The following SMARCC1 variants were observed in gnomAD, a reference collection of about 807,000 sequenced individuals.
SMARCC1 encodes SWI/SNF related BAF chromatin remodeling complex subunit C1, also known as SWI/SNF complex subunit SMARCC1.
SMARCC1 carries 43 observed loss-of-function variants against 147.4 expected under a neutral mutation model. The observed-to-expected ratio is 0.29, with a 90% CI of 0.23 to 0.38. The LOEUF is 0.38. Among genes scored for constraint, SMARCC1 ranks in the 10% least tolerant of loss-of-function variants. The probability of loss-of-function intolerance (pLI) is 1.00; values close to 1 mark genes in which losing one functional copy is unlikely to be tolerated. For synonymous variants in SMARCC1, 495 were observed against 484.4 expected, an observed-to-expected ratio of 1.02 and a Z score of -0.29; for missense variants, 1,119 against 1,381.1, an observed-to-expected ratio of 0.81 and a Z score of 3.01.
At chr3:47,735,590 CAAAACCCCACCTCTACGA>C in intron 5 of SMARCC1, among the ~76,000 whole-genome samples, 1 of 152,006 alleles carries the variant, frequency 6.6e-6, no homozygotes, top group Non-Finnish European at 1.5e-5. Flanking sequence ...ACCAACATGG[CAAAACCCCACCTCTACGA>C]AAAATACAAT....
At chr3:47,651,765 G>C (rs926162755) in intron 21 of SMARCC1, among the ~76,000 whole-genome samples, 2 of 152,142 alleles carry the variant, frequency 1.3e-5, no homozygotes, top group Non-Finnish European at 2.9e-5. Context: ...TTACTTATTT[G>C]ATTAGATTGC....
chr3:47,597,150 CAAAAAA>C (rs34360182), intron 26 of SMARCC1, among the ~76,000 whole-genome samples: 1 of 70,504 alleles, frequency 1.4e-5, no homozygotes, highest in Admixed American at 1.7e-4. Flanking sequence ...GACTCAGTCT[CAAAAAA>C]AAAAAAAAAA....
intron 6 of SMARCC1, among the ~76,000 whole-genome samples, chr3:47,727,553 A>T (rs1461474263): frequency 6.6e-6 from 1 of 151,742 alleles, no homozygotes; most frequent in Non-Finnish European, 1.5e-5. Context: ...TTGTTTATCC[A>T]TTCACCTAAT....
intron 7 of SMARCC1, 89 bp from the exon 8 acceptor site, chr3:47,714,579 A>T: frequency 1.4e-6 from 1 of 698,766 alleles, no homozygotes; most frequent in Non-Finnish European, 2.5e-6. Flanking sequence ...CATGTTTTAG[A>T]AATACTACTA....
chr3:47,717,965 A>G, intron 7 of SMARCC1, among the ~76,000 whole-genome samples: 1 of 151,728 alleles, frequency 6.6e-6, no homozygotes, highest in Non-Finnish European at 1.5e-5. Flanking sequence ...ACCAGCCTGA[A>G]CAACATACAG....
intron 2 of SMARCC1, among the ~76,000 whole-genome samples, chr3:47,761,946 T>A (rs924941155): frequency 2.0e-5 from 3 of 151,774 alleles, no homozygotes; most frequent in African/African-American, 7.3e-5. Flanking sequence ...ATAGCTGGGA[T>A]TTTTTTTGTA....
intron 11 of SMARCC1, among the ~76,000 whole-genome samples, chr3:47,694,633 T>C (rs2033826977): frequency 2.0e-5 from 3 of 152,206 alleles, no homozygotes; most frequent in Admixed American, 2.0e-4. Context: ...ACAGCCAAAT[T>C]GCATTGAATG....
At chr3:47,639,687 C>G (rs894836720) in intron 21 of SMARCC1, among the ~76,000 whole-genome samples, 2 of 151,910 alleles carry the variant, frequency 1.3e-5, no homozygotes, top group Non-Finnish European at 1.5e-5. Context: ...GCACTCCGGC[C>G]TGGGAGACAG....
chr3:47,780,676 G>C (rs898601934), intron 1 of SMARCC1, among the ~76,000 whole-genome samples: 3 of 152,212 alleles, frequency 2.0e-5, no homozygotes, highest in Admixed American at 6.6e-5. Flanking sequence ...AGTGAACAAA[G>C]CCCTTGCTTC....
intron 3 of SMARCC1, among the ~76,000 whole-genome samples, chr3:47,738,648 C>T (rs901729292): frequency 9.2e-5 from 14 of 151,716 alleles, no homozygotes; most frequent in Non-Finnish European, 2.1e-4. Context: ...CACGCCACTG[C>T]ACTCTAGCCT....
chr3:47,697,299 T>A (rs2106782867), intron 11 of SMARCC1, among the ~76,000 whole-genome samples: 1 of 149,826 alleles, frequency 6.7e-6, no homozygotes, highest in East Asian at 2.0e-4. Flanking sequence ...CGAGAGATCC[T>A]GACTTTTTTT....
chr3:47,686,219 GAT>G, intron 13 of SMARCC1, 49 bp from the exon 14 acceptor site: 2 of 1,469,790 alleles, frequency 1.4e-6, no homozygotes, highest in Non-Finnish European at 9.4e-7. Flanking sequence ...TACAGAGAGA[GAT>G]ATATATAACA....
chr3:47,709,514 C>T lies in SMARCC1; in HGVS notation c.918+1169G>A, dbSNP rs1252103222. Among the ~76,000 whole-genome samples the T allele has an allele frequency of 2.6e-5, 4 of 151,308 alleles. 1 individual carries two copies. Among genetic ancestry groups the T allele is most frequent in the Admixed American group, 1.3e-4 (2 of 15,172 alleles). On this transcript the variant is annotated intron_variant, in intron 9 of 27. Coordinates refer to ENST00000254480, the MANE Select transcript of SMARCC1 (RefSeq NM_003074.4). ...CAGCCTGGCCAACATGGTGAAATCC[C>T]GTTTCTACTAAAAATACAAAAATTA...
intron 7 of SMARCC1, among the ~76,000 whole-genome samples, chr3:47,717,362 G>A (rs1490807828): frequency 1.3e-5 from 2 of 152,066 alleles, no homozygotes; most frequent in African/African-American, 2.4e-5. Context: ...AACGAAACAT[G>A]ACAAACCAAC....
intron 21 of SMARCC1, among the ~76,000 whole-genome samples, chr3:47,649,643 T>C (rs1231979021): frequency 6.6e-6 from 1 of 152,218 alleles, no homozygotes; most frequent in African/African-American, 2.4e-5. Flanking sequence ...GTCATCAACT[T>C]GTAAGGAAAA....
intron 3 of SMARCC1, 62 bp from the exon 4 acceptor site, chr3:47,738,172 G>A (rs1576427000): frequency 1.7e-6 from 2 of 1,143,158 alleles, no homozygotes; most frequent in East Asian, 2.5e-5. Context: ...TGAAAACTTG[G>A]TTTTAGAATT....
chr3:47,740,211 T>TA (rs984987307), intron 3 of SMARCC1, among the ~76,000 whole-genome samples: 5 of 78,104 alleles, frequency 6.4e-5, no homozygotes, highest in African/African-American at 2.1e-4. Context: ...TTTTTTTTTT[T>TA]AAAAGACAGA....
chr3:47,680,377 C>G, intron 15 of SMARCC1, 60 bp downstream of exon 15: 3 of 1,138,362 alleles, frequency 2.6e-6, no homozygotes, highest in Non-Finnish European at 4.0e-6. Flanking sequence ...CAGGTGGATG[C>G]TTGAAGAGCC....
At chr3:47,645,012 T>G (rs1366377741) in intron 21 of SMARCC1, among the ~76,000 whole-genome samples, 1 of 152,142 alleles carries the variant, frequency 6.6e-6, no homozygotes, top group East Asian at 1.9e-4. Context: ...AATTAGTCAA[T>G]AATTTCTATC....
Sources: allele counts gnomAD v4.1 joint callset (sites outside exome capture counted in the v4.1 genomes callset), GRCh38; gene constraint gnomAD v4.1.1; transcripts MANE v1.5; gene names NCBI Gene and HGNC (gene_info 2026-07-23, HGNC 2026-07-21).